The following MAGI2 variants were observed in gnomAD, a reference collection of about 807,000 sequenced individuals.
MAGI2 encodes the protein membrane associated guanylate kinase, WW and PDZ domain containing 2, also known as membrane-associated guanylate kinase, WW and PDZ domain-containing protein 2.
MAGI2 carries 35 observed loss-of-function variants against 133.3 expected under a neutral mutation model. That is an observed-to-expected ratio of 0.26 (90% CI 0.20 to 0.35). The LOEUF is 0.35. MAGI2 is among the 10% of genes least tolerant of loss of function. The pLI is 1.00. For missense variants in MAGI2, 1,636 were observed against 1,863.4 expected (o/e 0.88, Z 2.25); for synonymous variants, 729 against 710.6 (o/e 1.03, Z -0.41).
intron 6 of MAGI2, among the ~76,000 whole-genome samples, chr7:78,392,622 G>A (rs989413670): frequency 6.6e-6 from 1 of 152,000 alleles, no homozygotes; most frequent in African/African-American, 2.4e-5. Context: ...ACTTATCCAC[G>A]CACTTGTATT....
At chr7:79,029,733 A>C (rs953772677) in intron 1 of MAGI2, among the ~76,000 whole-genome samples, 3 of 152,274 alleles carry the variant, frequency 2.0e-5, no homozygotes, top group Non-Finnish European at 4.4e-5. Context: ...GTTTTAAAAT[A>C]TTTATTACTG....
chr7:78,292,466 C>T (rs1398613868), intron 9 of MAGI2, among the ~76,000 whole-genome samples: 2 of 152,198 alleles, frequency 1.3e-5, no homozygotes, highest in African/African-American at 2.4e-5. Flanking sequence ...ATTCCATGCT[C>T]ATGGGTAGGA....
At chr7:79,067,881 G>C (rs965984363) in intron 1 of MAGI2, among the ~76,000 whole-genome samples, 1 of 152,062 alleles carries the variant, frequency 6.6e-6, no homozygotes, top group African/African-American at 2.4e-5. Flanking sequence ...TTTTGTCATT[G>C]GTTCTGTTTA....
intron 2 of MAGI2, among the ~76,000 whole-genome samples, chr7:78,920,660 C>T (rs1433463557): frequency 6.6e-6 from 1 of 152,002 alleles, no homozygotes; most frequent in East Asian, 1.9e-4. Context: ...TTATATCCTC[C>T]AAGCTAATTT....
At chr7:78,225,479 A>G (rs762166268) in intron 10 of MAGI2, among the ~76,000 whole-genome samples, 122 of 152,164 alleles carry the variant, frequency 8.0e-4, no homozygotes, top group Non-Finnish European at 8.1e-4. Flanking sequence ...CCTCCCGAGT[A>G]GCCAGGACTA....
At chr7:79,044,115 TACA>T (rs1432256296) in intron 1 of MAGI2, among the ~76,000 whole-genome samples, 1 of 151,896 alleles carries the variant, frequency 6.6e-6, no homozygotes, top group Non-Finnish European at 1.5e-5. Flanking sequence ...CCTGTAGAGA[TACA>T]ACAACAACAA....
At chr7:79,121,613 T>G (rs764092991) in intron 1 of MAGI2, among the ~76,000 whole-genome samples, 1 of 152,142 alleles carries the variant, frequency 6.6e-6, no homozygotes, top group African/African-American at 2.4e-5. Flanking sequence ...CATCTTGCCT[T>G]AGAAACACCT....
At chr7:78,440,106 C>A (rs1787457356) in intron 6 of MAGI2, among the ~76,000 whole-genome samples, 1 of 151,740 alleles carries the variant, frequency 6.6e-6, no homozygotes. Flanking sequence ...TTTAAAGTTA[C>A]ATTTAAATGT....
chr7:78,085,797 C>A (rs375045477), intron 20 of MAGI2, among the ~76,000 whole-genome samples: 1 of 150,212 alleles, frequency 6.7e-6, no homozygotes, highest in African/African-American at 2.5e-5. Context: ...TGAGAATTCA[C>A]CACTTGATGC....
At chr7:79,258,425 C>A (rs371084917) in intron 1 of MAGI2, among the ~76,000 whole-genome samples, 18 of 152,240 alleles carry the variant, frequency 1.2e-4, no homozygotes, top group African/African-American at 4.3e-4. Context: ...ACCAAATAAA[C>A]CTTCTTCCTT....
At chr7:78,459,512 AT>A (rs1330165699) in intron 6 of MAGI2, among the ~76,000 whole-genome samples, 2 of 152,192 alleles carry the variant, frequency 1.3e-5, no homozygotes, top group African/African-American at 4.8e-5. Context: ...ATACTTACAT[AT>A]TTTGGAAAAT....
intron 1 of MAGI2, among the ~76,000 whole-genome samples, chr7:79,386,822 G>C (rs1844214050): frequency 6.6e-6 from 1 of 151,940 alleles, no homozygotes; most frequent in Admixed American, 6.6e-5. Context: ...CTCATGATGG[G>C]ATCAGTGACC....
At chr7:79,126,887 T>C (rs1820457394) in intron 1 of MAGI2, among the ~76,000 whole-genome samples, 1 of 152,028 alleles carries the variant, frequency 6.6e-6, no homozygotes, top group African/African-American at 2.4e-5. Flanking sequence ...GCCATGTTGG[T>C]GTGCTGCACC....
intron 2 of MAGI2, among the ~76,000 whole-genome samples, chr7:78,877,042 GT>G (rs1434789115): frequency 6.6e-6 from 1 of 152,124 alleles, no homozygotes; most frequent in East Asian, 1.9e-4. Flanking sequence ...ATCTTTGACT[GT>G]TTTGAGCTCC....
At chr7:79,083,215 G>A (rs1816200546) in intron 1 of MAGI2, among the ~76,000 whole-genome samples, 1 of 150,814 alleles carries the variant, frequency 6.6e-6, no homozygotes, top group South Asian at 2.1e-4. Flanking sequence ...CCAGTATAAT[G>A]TAAAATAGAA....
At position 78,990,905 on chromosome 7, in the gene MAGI2, T is replaced by TACACACACACAC. The variant is rs140828645; in HGVS notation, c.418+16173_418+16184dup. On this transcript the variant is annotated intron_variant, in intron 2 of 21. Transcript: ENST00000354212. Reference sequence around the variant, plus strand: ...TGAAATAAGAGATTTTATATGTACATACACACACACACACACACACACACA... The same window carrying TACACACACACAC: ...TGAAATAAGAGATTTTATATGTACATACACACACACACACACACACACACACACACACACACA... 6.4e-3 allele frequency among the ~76,000 whole-genome samples: 905 copies of TACACACACACAC among 141,466 alleles called. 8 individuals carry two copies. The highest frequency in any genetic ancestry group is 8.7e-3 in the East Asian group (40 of 4,600). 92.8% of individuals were successfully genotyped at this position (141,466 alleles called of 152,430 possible). A position where few individuals can be genotyped will look rare whatever the true frequency, so the allele number is the denominator to read the frequency against.
At chr7:78,365,376 G>A (rs1268568788) in intron 7 of MAGI2, among the ~76,000 whole-genome samples, 1 of 152,108 alleles carries the variant, frequency 6.6e-6, no homozygotes, top group African/African-American at 2.4e-5. Context: ...AGACCATTAT[G>A]GGTTATAAAT....
In MAGI2 at chr7:78,823,312, G is replaced by A. The variant is rs376436572; in HGVS notation, c.418+183778C>T. On this transcript the variant is annotated intron_variant, in intron 2 of 21. Coordinates refer to ENST00000354212, the MANE Select transcript of MAGI2 (RefSeq NM_012301.4). ...AAATACGACACTGTCGGCCGGGCGC[G>A]GTGGCTCACGCCTGTAATCCCAGCA... 5.3e-5 allele frequency among the ~76,000 whole-genome samples: 8 copies of A among 152,074 alleles called. No individual in the cohort carries two copies. The South Asian group carries it at 1.0e-3, about 20-fold the overall frequency.
At chr7:78,240,685 C>A (rs1791042601) in intron 10 of MAGI2, among the ~76,000 whole-genome samples, 1 of 151,986 alleles carries the variant, frequency 6.6e-6, no homozygotes, top group African/African-American at 2.4e-5. Context: ...AGGATAAAAC[C>A]ATCACAGGAA....
Sources: gnomAD v4.1 joint callset for allele counts (sites outside exome capture counted in the v4.1 genomes callset) on GRCh38, gnomAD v4.1.1 for gene constraint, MANE v1.5 for transcripts, NCBI Gene and HGNC (gene_info 2026-07-23, HGNC 2026-07-21) for gene names.